Variants in EPHA8 observed in about 807,000 individuals in gnomAD.
EPHA8 encodes the protein EPH receptor A8.
EPHA8 carries 58 observed loss-of-function variants against 103.6 expected under a neutral mutation model. The ratio of observed to expected loss-of-function variants is 0.56; its 90% CI spans 0.45 to 0.70. The LOEUF (loss-of-function observed/expected upper bound fraction) is 0.70, where lower values mean the gene tolerates loss of function less well. EPHA8 is among the 30% of genes least tolerant of loss of function. The pLI, the probability that EPHA8 is intolerant of heterozygous loss-of-function variation, is 0.00. For missense variants in EPHA8, 1,304 were observed against 1,395.2 expected, an observed-to-expected ratio of 0.93 and a Z score of 1.04; for synonymous variants, 559 against 572.5, an observed-to-expected ratio of 0.98 and a Z score of 0.34.
chr1:22,599,597 T>G (rs1343420623), intron 13 of EPHA8, among the ~76,000 whole-genome samples: 264 of 74,822 alleles, frequency 3.5e-3, no homozygotes, highest in Middle Eastern at 0.029. Flanking sequence ...AAGGAGGGAG[T>G]GGAGAGAGGG....
At chr1:22,578,226 A>ATG (rs760985251) in intron 3 of EPHA8, among the ~76,000 whole-genome samples, 3 of 91,016 alleles carry the variant, frequency 3.3e-5, no homozygotes, top group Non-Finnish European at 6.5e-5. Flanking sequence ...GTGAGTGTGC[A>ATG]TGTGTGTATG....
At chr1:22,583,974 C>T (rs1641118212) in intron 3 of EPHA8, among the ~76,000 whole-genome samples, 1 of 152,206 alleles carries the variant, frequency 6.6e-6, no homozygotes, top group African/African-American at 2.4e-5. Flanking sequence ...TCTTACTTCT[C>T]TTGGGTCCAT....
chr1:22,569,489 C>A lies in EPHA8; in HGVS notation c.159+136C>A. 1.2e-6 allele frequency: 1 copy of A among 862,098 alleles called. No individual in the cohort carries two copies. The highest frequency in any genetic ancestry group is 1.8e-6 in the Non-Finnish European group (1 of 563,430). 53.4% of individuals were successfully genotyped at this position (862,098 alleles called of 1,614,324 possible). ...AAGGGACTTACCCAAGGGCACACAG[C>A]AGTTAGTGCTGCTGATCTCTTAACA... On this transcript the variant is annotated intron_variant, in intron 2 of 16. Transcript: ENST00000166244. The surrounding 1 kb of genome is among the most constrained non-coding windows in gnomAD (Gnocchi z 4.5).
rs1028356421 is a variant in EPHA8, at chr1:22,602,297, G to A, written c.*556G>A. 6.1e-6 allele frequency: 1 copy of A among 163,000 alleles called. No individual in the cohort carries two copies. The highest frequency in any genetic ancestry group is 2.4e-5 in the African/African-American group (1 of 41,438). The allele number at this position is 163,000 out of a possible 1,614,324, so 10.1% of individuals were successfully genotyped here. A position where few individuals can be genotyped will look rare whatever the true frequency, so the allele number is the denominator to read the frequency against. The stretch of plus-strand genomic sequence containing the variant: ...CCAGCACCCATGGGGGCGGGGGAGA[G>A]GCTCACCCCTACGTCCCCCCACACC... On this transcript the variant is annotated 3_prime_UTR_variant, in exon 17 of 17. Transcript: ENST00000166244.
rs778846333 is a variant in EPHA8, at chr1:22,589,113, T to C, written c.1222T>C (p.Tyr408His). 11 of 1,613,812 alleles carry C rather than the reference T, an allele frequency of 6.8e-6. No homozygotes were observed. The highest frequency in any genetic ancestry group is 1.7e-5 in the Admixed American group (1 of 60,006). ...GGCCAACCTGCTGGCCCACATGAAC[T>C]ACTCCTTCTGGATCGAGGCCGTCAA... The part of the protein sequence containing the change: ...LVANLLAHMN[Y>H]SFWIEAVNGV... Residue 408 changes from tyrosine (Y) to histidine (H), a missense_variant, in exon 5 of 17, where the codon TAC (tyrosine) becomes CAC (histidine). Tyr to His is a moderately conservative substitution (Grantham distance 83, BLOSUM62 2). Coordinates refer to ENST00000166244, the MANE Select transcript of EPHA8 (RefSeq NM_020526.5). The surrounding 1 kb of genome is among the most constrained non-coding windows in gnomAD (Gnocchi z 4.3).
At position 22,597,770 on chromosome 1, in the gene EPHA8, G is replaced by C. The variant is rs373953943; in HGVS notation, c.2025G>C (p.Glu675Asp). The C allele has an allele frequency of 4.1e-5, 66 of 1,613,144 alleles. No individual in the cohort carries two copies. The South Asian group carries it at 6.7e-4, about 16-fold the overall frequency. ...AGGCCCTCAAAGCCGGCTACACGGA[G>C]AGACAGAGGCGGGACTTCCTGAGCG... ...AIKALKAGYT[E>D]RQRRDFLSEA... The change falls in exon 11 of 17, where the codon GAG becomes GAC. Residue 675 changes from glutamate (E) to aspartate (D), a missense_variant. By Grantham distance (45) the Glu-to-Asp change is conservative. Transcript: ENST00000166244. The surrounding 1 kb of genome is among the most constrained non-coding windows in gnomAD (Gnocchi z 4.6).
intron 2 of EPHA8, among the ~76,000 whole-genome samples, chr1:22,570,989 A>C (rs1349389828): frequency 6.6e-6 from 1 of 152,188 alleles, no homozygotes; most frequent in Admixed American, 6.5e-5. Context: ...CCCTCACTGC[A>C]TGGCGGTTGG....
At chr1:22,577,867 T>C (rs578136787) in intron 3 of EPHA8, among the ~76,000 whole-genome samples, 1 of 109,424 alleles carries the variant, frequency 9.1e-6, no homozygotes, top group South Asian at 3.6e-4. Flanking sequence ...TATGTATGCA[T>C]TGTGTGGGCC....
rs1341634614 is a variant in EPHA8 at position 22,578,633 on chromosome 1, GTGTGTA to G, written c.823+1765_823+1770del. Among the ~76,000 whole-genome samples the G allele has an allele frequency of 6.1e-5, 9 of 146,498 alleles. No individual in the cohort carries two copies. In the East Asian group the frequency reaches 1.4e-3, roughly 22 times the overall value. On this transcript the variant is annotated intron_variant, in intron 3 of 16. Coordinates refer to ENST00000166244, the MANE Select transcript of EPHA8 (RefSeq NM_020526.5). ...TGAGTGTATGTCTGCGTGTGTGCAT[GTGTGTA>G]TGTGTATGTGTGTGCATGTGAGTGT...
At position 22,589,223 on chromosome 1, in the gene EPHA8, C is replaced by G; in HGVS notation, c.1315+17C>G. 6.2e-7 allele frequency: 1 copy of G among 1,613,990 alleles called. No individual in the cohort carries two copies. The highest frequency in any genetic ancestry group is 8.5e-7 in the Non-Finnish European group (1 of 1,180,018). On this transcript the variant is annotated intron_variant, in intron 5 of 16. Coordinates refer to ENST00000166244, the MANE Select transcript of EPHA8 (RefSeq NM_020526.5). This position sits in a 1 kb window ranked among gnomAD's most constrained non-coding sequence, Gnocchi z 4.3. Reference sequence around the variant, plus strand: ...ACCAGGCAGGTAGGCGGAGAAACTCCGTCCCGCAGCGTCCTGGTCCCCCAG... The same window carrying G: ...ACCAGGCAGGTAGGCGGAGAAACTCGGTCCCGCAGCGTCCTGGTCCCCCAG...
intron 3 of EPHA8, among the ~76,000 whole-genome samples, chr1:22,582,903 T>C (rs560158575): frequency 6.6e-6 from 1 of 152,346 alleles, no homozygotes; most frequent in East Asian, 1.9e-4. Context: ...TTTCTATAAA[T>C]ATCAGAGAGT....
intron 1 of EPHA8, among the ~76,000 whole-genome samples, chr1:22,565,406 T>G: frequency 6.7e-6 from 1 of 149,068 alleles, no homozygotes. Context: ...GGTTGGGGGG[T>G]GCTGGGGAGT....
In EPHA8 at chr1:22,583,712, C is replaced by T. The variant is rs117180442; in HGVS notation, c.824-2768C>T. 1.4e-3 allele frequency among the ~76,000 whole-genome samples: 217 copies of T among 152,332 alleles called. 3 individuals are homozygous for T. The East Asian group carries it at 0.025, about 18-fold the overall frequency. On this transcript the variant is annotated intron_variant, in intron 3 of 16. Coordinates refer to ENST00000166244, the MANE Select transcript of EPHA8 (RefSeq NM_020526.5). The stretch of plus-strand genomic sequence containing the variant: ...AGAATTATGATCTCCACCTTAAAGA[C>T]GAGGAAACTGACTTCCAGCACCTTG...
In EPHA8 at chr1:22,589,583, C is replaced by A. The variant is rs1641322108; in HGVS notation, c.1315+377C>A. On this transcript the variant is annotated intron_variant, in intron 5 of 16. Transcript: ENST00000166244. This position sits in a 1 kb window ranked among gnomAD's most constrained non-coding sequence, Gnocchi z 4.3. ...GAAATTGCTTAGCCCAGCACCTGGC[C>A]CGTGGTAAATGCTCAATAAATGTCA... 2 of 1,313,272 alleles carry A rather than the reference C, an allele frequency of 1.5e-6. No homozygotes were observed. The highest frequency in any genetic ancestry group is 2.7e-5 in the South Asian group (1 of 37,150). The allele number at this position is 1,313,272 out of a possible 1,614,324, so 81.4% of individuals were successfully genotyped here. A position where few individuals can be genotyped will look rare whatever the true frequency, so the allele number is the denominator to read the frequency against.
At position 22,597,591 on chromosome 1, in the gene EPHA8, CA is replaced by C; in HGVS notation, c.1931-84del. On this transcript the variant is annotated intron_variant, in intron 10 of 16. Coordinates refer to ENST00000166244, the MANE Select transcript of EPHA8 (RefSeq NM_020526.5). The surrounding 1 kb of genome is among the most constrained non-coding windows in gnomAD (Gnocchi z 4.6). ...GTGTGACCCAGGGGTCTGGCAAGCC[CA>C]GGGGGTCCAAGGGCCTGGGAGGCTG... The C allele has an allele frequency of 6.4e-7, 1 of 1,551,202 alleles. No individual in the cohort carries two copies. The highest frequency in any genetic ancestry group is 1.2e-5 in the South Asian group (1 of 80,908).
At chr1:22,570,576 T>G (rs892241926) in intron 2 of EPHA8, among the ~76,000 whole-genome samples, 1 of 77,012 alleles carries the variant, frequency 1.3e-5, no homozygotes, top group South Asian at 4.0e-4. Flanking sequence ...TTGGGTAGAG[T>G]TTTCATCTGG....
rs1450549347 is a variant in EPHA8 at position 22,563,898 on chromosome 1, A to T, written c.94+169A>T. ...CGGAAGAGACCCGGGATTAAGGGAC[A>T]GAGCGGTGGAGATGGGAACCCGCGA... On this transcript the variant is annotated intron_variant, in intron 1 of 16. Transcript: ENST00000166244. The surrounding 1 kb of genome is among the most constrained non-coding windows in gnomAD (Gnocchi z 4.4). Among the ~76,000 whole-genome samples, 1 of 152,042 alleles carries T rather than the reference A, an allele frequency of 6.6e-6. No individual in the cohort carries two copies.
chr1:22,568,339 C>G (rs1304426909), intron 1 of EPHA8, among the ~76,000 whole-genome samples: 1 of 152,182 alleles, frequency 6.6e-6, no homozygotes, highest in African/African-American at 2.4e-5. Context: ...GAGGGCCTGA[C>G]TTAGAGTGAC....
intron 4 of EPHA8, among the ~76,000 whole-genome samples, chr1:22,587,490 G>A (rs10917262): frequency 0.17 from 26,609 of 152,126 alleles, 2,509 homozygotes; most frequent in African/African-American, 0.26. Flanking sequence ...AAGGTATGGG[G>A]GGATTCTGCA....
Sources: allele counts gnomAD v4.1 joint callset (sites outside exome capture counted in the v4.1 genomes callset), GRCh38; gene constraint gnomAD v4.1.1; non-coding constraint Gnocchi (gnomAD v3.1); transcripts MANE v1.5; gene names NCBI Gene and HGNC (gene_info 2026-07-23, HGNC 2026-07-21).